The following GPC5 variants were observed in gnomAD, a reference collection of about 807,000 sequenced individuals.
The protein encoded by GPC5 is glypican-5.
In GPC5, 47 loss-of-function variants were observed where a neutral mutation model predicts 53.9. That is an observed-to-expected ratio of 0.87 (90% CI 0.69 to 1.11). The LOEUF is 1.11. GPC5 is among the 50% of genes most tolerant of loss of function. GPC5 has a pLI of 0.00. For synonymous variants in GPC5, 286 were observed against 263.3 expected, an observed-to-expected ratio of 1.09 and a Z score of -0.84; for missense variants, 748 against 713.1, an observed-to-expected ratio of 1.05 and a Z score of -0.56.
At chr13:91,772,638 A>G (rs2037644575) in intron 5 of GPC5, among the ~76,000 whole-genome samples, 1 of 152,202 alleles carries the variant, frequency 6.6e-6, no homozygotes, top group African/African-American at 2.4e-5. Flanking sequence ...AGAAATACCA[A>G]TTACATTATA....
At chr13:92,317,285 G>T (rs2043185516) in intron 7 of GPC5, among the ~76,000 whole-genome samples, 1 of 152,070 alleles carries the variant, frequency 6.6e-6, no homozygotes, top group African/African-American at 2.4e-5. Context: ...CAAGGGGAGG[G>T]TGTTTGTCAT....
At chr13:91,530,140 G>A (rs185654147) in intron 2 of GPC5, among the ~76,000 whole-genome samples, 1 of 152,252 alleles carries the variant, frequency 6.6e-6, no homozygotes, top group Admixed American at 6.5e-5. Flanking sequence ...TTCAACATCT[G>A]CAAACTTCAA....
At chr13:91,600,331 GA>G (rs2033138495) in intron 2 of GPC5, among the ~76,000 whole-genome samples, 1 of 142,478 alleles carries the variant, frequency 7.0e-6, no homozygotes, top group Non-Finnish European at 1.5e-5. Flanking sequence ...GAGAGAGAGA[GA>G]GAGAGAGAGA....
intron 5 of GPC5, among the ~76,000 whole-genome samples, chr13:91,893,416 C>T (rs1375096963): frequency 6.6e-6 from 1 of 152,000 alleles, no homozygotes; most frequent in African/African-American, 2.4e-5. Context: ...TATGAGCAGG[C>T]ATCTGTCTAA....
intron 2 of GPC5, among the ~76,000 whole-genome samples, chr13:91,689,347 G>T (rs2035705139): frequency 6.7e-6 from 1 of 148,440 alleles, no homozygotes; most frequent in Admixed American, 6.7e-5. Flanking sequence ...GTAAGTGAGT[G>T]GTGAGTGAAT....
At chr13:92,837,122 T>G (rs913219403) in intron 7 of GPC5, among the ~76,000 whole-genome samples, 5 of 152,150 alleles carry the variant, frequency 3.3e-5, no homozygotes, top group African/African-American at 1.2e-4. Context: ...TACTTACAGT[T>G]GTAAAATAAT....
At chr13:91,860,215 C>T (rs1040820755) in intron 5 of GPC5, among the ~76,000 whole-genome samples, 1 of 151,968 alleles carries the variant, frequency 6.6e-6, no homozygotes, top group Non-Finnish European at 1.5e-5. Context: ...TCTTCCCATC[C>T]CTCCCTTCCT....
chr13:91,483,940 A>G (rs1883446483), intron 2 of GPC5, among the ~76,000 whole-genome samples: 2 of 152,188 alleles, frequency 1.3e-5, no homozygotes, highest in African/African-American at 2.4e-5. Flanking sequence ...GATTTACACT[A>G]TATCATACCT....
At chr13:92,692,754 A>ATTTTTTTTTTTTTTTTTCTTTTTTTT (rs1887444255) in intron 7 of GPC5, among the ~76,000 whole-genome samples, 1 of 81,050 alleles carries the variant, frequency 1.2e-5, no homozygotes, top group African/African-American at 4.8e-5. Context: ...AATATCGGCT[A>ATTTTTTTTTTTTTTTTTCTTTTTTTT]TTTTTTTTTT....
At chr13:92,757,376 C>G (rs1481020616) in intron 7 of GPC5, among the ~76,000 whole-genome samples, 1 of 152,156 alleles carries the variant, frequency 6.6e-6, no homozygotes, top group African/African-American at 2.4e-5. Flanking sequence ...ACCATAAAAA[C>G]CATGGAAGAA....
chr13:91,758,158 A>G (rs753399510), intron 5 of GPC5, among the ~76,000 whole-genome samples: 6 of 152,044 alleles, frequency 3.9e-5, no homozygotes, highest in Non-Finnish European at 8.8e-5. Flanking sequence ...CAATGTAACA[A>G]TTTTGCAAAT....
chr13:91,999,083 T>C (rs1408866780), intron 6 of GPC5, among the ~76,000 whole-genome samples: 1 of 152,238 alleles, frequency 6.6e-6, no homozygotes, highest in Non-Finnish European at 1.5e-5. Context: ...CTTTACAGTC[T>C]GTATCTCTGG....
intron 5 of GPC5, among the ~76,000 whole-genome samples, chr13:91,890,544 G>T (rs2039373845): frequency 6.6e-6 from 1 of 152,134 alleles, no homozygotes; most frequent in South Asian, 2.1e-4. Context: ...AGCAACAAGG[G>T]AAGTTTGTAG....
intron 5 of GPC5, among the ~76,000 whole-genome samples, chr13:91,844,166 T>C (rs946935918): frequency 6.6e-6 from 1 of 152,128 alleles, no homozygotes; most frequent in Non-Finnish European, 1.5e-5. Flanking sequence ...GAAAATGATA[T>C]GAAAATCTTA....
intron 6 of GPC5, among the ~76,000 whole-genome samples, chr13:91,958,162 T>A (rs984818229): frequency 6.8e-6 from 1 of 147,136 alleles, no homozygotes; most frequent in African/African-American, 2.5e-5. Context: ...AAGACACATA[T>A]AGACTGAAAG....
Position 92,853,694 on chromosome 13 carries a change from G to A in GPC5, c.1562-12588G>A, listed in dbSNP as rs777085561. ...AAGTAGAGTAAAATGAACACTAGAA[G>A]AAGAAACTGGAGAACATGTTCAGGG... On this transcript the variant is annotated intron_variant, in intron 7 of 7. Transcript: ENST00000377067. Among the ~76,000 whole-genome samples, 4 of 152,244 alleles carry A rather than the reference G, an allele frequency of 2.6e-5. 1 individual carries two copies. The Middle Eastern group carries it at 0.01, about 388-fold the overall frequency.
chr13:92,161,739 A>G (rs2041989397), intron 7 of GPC5, among the ~76,000 whole-genome samples: 1 of 151,664 alleles, frequency 6.6e-6, no homozygotes, highest in African/African-American at 2.4e-5. Flanking sequence ...GCTAATTGTT[A>G]AGCTGAAGTG....
chr13:92,490,010 G>A (rs1879702055), intron 7 of GPC5, among the ~76,000 whole-genome samples: 1 of 151,970 alleles, frequency 6.6e-6, no homozygotes. Flanking sequence ...TTTTTAACAT[G>A]TGCTTCTTCC....
intron 6 of GPC5, among the ~76,000 whole-genome samples, chr13:92,141,680 A>G (rs902330612): frequency 6.6e-6 from 1 of 152,120 alleles, no homozygotes; most frequent in Non-Finnish European, 1.5e-5. Flanking sequence ...ACTGCTCACT[A>G]TTCCACAGAT....
Sources: gnomAD v4.1 joint callset for allele counts (sites outside exome capture counted in the v4.1 genomes callset) on GRCh38, gnomAD v4.1.1 for gene constraint, MANE v1.5 for transcripts, NCBI Gene and HGNC (gene_info 2026-07-23, HGNC 2026-07-21) for gene names.